The following PER3 variants were observed in gnomAD, a reference collection of about 807,000 sequenced individuals.
The protein encoded by PER3 is period circadian regulator 3, also known as period circadian protein homolog 3.
PER3 carries 107 observed loss-of-function variants against 127.2 expected under a neutral mutation model. That is an observed-to-expected ratio of 0.84 (90% CI 0.72 to 0.99). PER3 has a LOEUF of 0.99. Ranked by LOEUF, PER3 falls within the 50% of genes least tolerant of loss-of-function variation. The probability of loss-of-function intolerance (pLI) is 0.00; values close to 1 mark genes in which losing one functional copy is unlikely to be tolerated. For missense variants in PER3, 1,560 were observed against 1,525.8 expected (o/e 1.02, Z -0.37); for synonymous variants, 618 against 585.8 (o/e 1.05, Z -0.79).
Position 7,844,148 on chromosome 1 carries a change from G to A in PER3, c.*1393G>A, listed in dbSNP as rs916033810. The A allele has an allele frequency of 8.2e-6, 2 of 242,464 alleles. No homozygotes were observed. Among genetic ancestry groups the A allele is most frequent in the African/African-American group, 2.4e-5 (1 of 42,444 alleles). 15.0% of individuals were successfully genotyped at this position (242,464 alleles called of 1,614,324 possible). ...CGTCCTGATAATGATTAGGAAAATC[G>A]ACCTTTTCATCCATGATGACCATCC... On this transcript the variant is annotated 3_prime_UTR_variant, in exon 22 of 22. Transcript: ENST00000377532.
In PER3 at chr1:7,827,340, C is replaced by T. The variant is rs1309105133; in HGVS notation, c.2411C>T (p.Pro804Leu). ...PPAAMVPSQA[P>L]YLVPAFPLPA... Reference sequence around the variant, plus strand: ...GCCGCCATGGTGCCCAGCCAGGCCCCTTACCTCGTCCCAGCTTTTCCCCTC... The same window carrying T: ...GCCGCCATGGTGCCCAGCCAGGCCCTTTACCTCGTCCCAGCTTTTCCCCTC... Residue 804 changes from proline to leucine, a missense_variant, in exon 18 of 22, where the codon CCT (proline) becomes CTT (leucine). By Grantham distance (98) the Pro-to-Leu change is moderately conservative. Coordinates refer to ENST00000377532, the MANE Select transcript of PER3 (RefSeq NM_001377275.1). 5.6e-6 allele frequency: 9 copies of T among 1,613,936 alleles called. No individual in the cohort carries two copies. Among genetic ancestry groups the T allele is most frequent in the Admixed American group, 1.7e-5 (1 of 59,996 alleles).
chr1:7,790,466 G>A (rs961111432), intron 5 of PER3, among the ~76,000 whole-genome samples: 1 of 152,128 alleles, frequency 6.6e-6, no homozygotes, highest in African/African-American at 2.4e-5. Context: ...CTCCCTCCGG[G>A]TTCCTCCCAC....
At chr1:7,840,315 A>T (rs1478151617) in intron 21 of PER3, among the ~76,000 whole-genome samples, 8 of 147,550 alleles carry the variant, frequency 5.4e-5, no homozygotes, top group Non-Finnish European at 1.0e-4. Flanking sequence ...TAATTCTTTC[A>T]TCATCTTTTT....
chr1:7,785,333 T>C lies in PER3; in HGVS notation c.129-108T>C, dbSNP rs114076252. 574 of 834,202 alleles carry C rather than the reference T, an allele frequency of 6.9e-4. 1 individual carries two copies. In the African/African-American group the frequency reaches 9.0e-3, roughly 13 times the overall value. 51.7% of individuals were successfully genotyped at this position (834,202 alleles called of 1,614,324 possible). On this transcript the variant is annotated intron_variant, in intron 2 of 21. Transcript: ENST00000377532. ...GAGGGGTCACCACCCTGTGGACTGA[T>C]GCCGGTAGAGCACTTAGAAACTTAC...
chr1:7,835,971 C>T (rs750650821), intron 20 of PER3, 26 bp downstream of exon 20: 38 of 1,461,212 alleles, frequency 2.6e-5, no homozygotes, highest in Non-Finnish European at 3.4e-5. Context: ...AGAAAACCCA[C>T]TTTTTATATT....
chr1:7,820,652 G>A lies in PER3; in HGVS notation c.1957+12G>A, dbSNP rs228692. 86,276 of 1,584,116 alleles carry A rather than the reference G, an allele frequency of 0.054. 2,705 individuals are homozygous for A. The highest frequency in any genetic ancestry group is 0.063 in the Non-Finnish European group (73,101 of 1,163,688). On this transcript the variant is annotated intron_variant, in intron 16 of 21. Transcript: ENST00000377532. ...ACCCCCAGAGACAGGTACCACACTC[G>A]CCTCTTACTTTGAAAATATACTCAA... is the stretch of plus-strand genomic sequence containing the variant.
chr1:7,809,880 T>C lies in PER3; in HGVS notation c.1243-13T>C. On this transcript the variant is annotated splice_polypyrimidine_tract_variant and intron_variant, in intron 11 of 21. Coordinates refer to ENST00000377532, the MANE Select transcript of PER3 (RefSeq NM_001377275.1). ...GCCAGCAATTCTGGACTTGTTCCTC[T>C]TTGTCCTTCCAGCCAGTTCACGTGA... 6.2e-7 allele frequency: 1 copy of C among 1,613,006 alleles called. No homozygotes were observed. Among genetic ancestry groups the C allele is most frequent in the Non-Finnish European group, 8.5e-7 (1 of 1,179,384 alleles).
intron 13 of PER3, among the ~76,000 whole-genome samples, chr1:7,814,117 G>A (rs928116924): frequency 6.6e-6 from 1 of 152,154 alleles, no homozygotes; most frequent in South Asian, 2.1e-4. Flanking sequence ...AACAGAGAAA[G>A]AAGAATGAAG....
At chr1:7,785,049 C>T in intron 2 of PER3, 44 bp downstream of exon 2, 1 of 1,555,714 alleles carries the variant, frequency 6.4e-7, no homozygotes, top group Non-Finnish European at 8.6e-7. Context: ...CGTTCGTTGT[C>T]CTTCCCTGGA....
chr1:7,838,375 T>C (rs542102796), intron 21 of PER3, among the ~76,000 whole-genome samples: 6 of 152,218 alleles, frequency 3.9e-5, no homozygotes, highest in South Asian at 4.2e-4. Context: ...CATTCCTCCT[T>C]CTCCCAACCC....
In PER3 at chr1:7,812,588, G is replaced by A. The variant is rs368156857; in HGVS notation, c.1522+2000G>A. 1.6e-4 allele frequency among the ~76,000 whole-genome samples: 20 copies of A among 124,134 alleles called. No individual in the cohort carries two copies. In the South Asian group the frequency reaches 5.1e-3, roughly 32 times the overall value. 81.4% of individuals were successfully genotyped at this position (124,134 alleles called of 152,430 possible). On this transcript the variant is annotated intron_variant, in intron 13 of 21. Transcript: ENST00000377532. ...TGCAGTGAGCCGAGATCGCGCCACT[G>A]CACTCCAGCCTGGGCAACAGAGCAA...
intron 6 of PER3, among the ~76,000 whole-genome samples, chr1:7,795,434 G>A (rs12565104): frequency 0.19 from 29,604 of 152,172 alleles, 3,106 homozygotes; most frequent in South Asian, 0.28. Flanking sequence ...GGAGATTGCC[G>A]TTGTATTCAG....
intron 6 of PER3, among the ~76,000 whole-genome samples, chr1:7,797,623 G>A (rs529109091): frequency 2.7e-5 from 4 of 149,124 alleles, no homozygotes; most frequent in African/African-American, 4.9e-5. Flanking sequence ...GCAACAGAGC[G>A]AGACTCCGTC....
chr1:7,789,630 G>A (rs1369828713), intron 5 of PER3, among the ~76,000 whole-genome samples: 2 of 152,054 alleles, frequency 1.3e-5, no homozygotes, highest in Non-Finnish European at 2.9e-5. Flanking sequence ...TCATTTTTAG[G>A]CATTCACTCC....
At chr1:7,808,409 C>T (rs992714330) in intron 10 of PER3, among the ~76,000 whole-genome samples, 4 of 152,096 alleles carry the variant, frequency 2.6e-5, no homozygotes, top group African/African-American at 4.8e-5. Context: ...TAAATAAGAC[C>T]GAAGGTATTG....
At chr1:7,820,703 C>G in intron 16 of PER3, 63 bp downstream of exon 16, 1 of 1,371,850 alleles carries the variant, frequency 7.3e-7, no homozygotes, top group Non-Finnish European at 1.0e-6. Flanking sequence ...GATGAGAAAA[C>G]AAAAGTCATG....
chr1:7,784,979 G>C lies in PER3; in HGVS notation c.102G>C (p.Gln34His). Residue 34 changes from glutamine (Q) to histidine (H), a missense_variant, in exon 2 of 22, where the codon CAG becomes CAC. Physicochemically the swap from Gln to His is conservative, Grantham distance 24 (BLOSUM62 0). Coordinates refer to ENST00000377532, the MANE Select transcript of PER3 (RefSeq NM_001377275.1). ...GERWSPEFHL[Q>H]RKLADSSHSE... Reference sequence around the variant, plus strand: ...GGTGGAGCCCCGAGTTCCATCTGCAGAGGAAATTGGCGGACAGCAGCCACA... The same window carrying C: ...GGTGGAGCCCCGAGTTCCATCTGCACAGGAAATTGGCGGACAGCAGCCACA... The C allele has an allele frequency of 6.4e-7, 1 of 1,567,648 alleles. No individual in the cohort carries two copies. The highest frequency in any genetic ancestry group is 8.6e-7 in the Non-Finnish European group (1 of 1,164,048).
intron 18 of PER3, 103 bp from the exon 19 acceptor site, chr1:7,829,731 C>A: frequency 1.1e-6 from 1 of 928,418 alleles, no homozygotes; most frequent in Non-Finnish European, 1.7e-6. Flanking sequence ...TGGTTGACCA[C>A]AGGTAACTGA....
chr1:7,812,261 G>A (rs1003430234), intron 13 of PER3, among the ~76,000 whole-genome samples: 1 of 127,484 alleles, frequency 7.8e-6, no homozygotes, highest in African/African-American at 3.5e-5. Context: ...TAATGCCATC[G>A]GTACTATTTT....
Sources: gnomAD v4.1 joint callset for allele counts (sites outside exome capture counted in the v4.1 genomes callset) on GRCh38, gnomAD v4.1.1 for gene constraint, MANE v1.5 for transcripts, NCBI Gene and HGNC (gene_info 2026-07-23, HGNC 2026-07-21) for gene names.